PIERCE2: variants seen among roughly 807,000 people sequenced by gnomAD.
PIERCE2 encodes the protein piercer of microtubule wall 2.
the PIERCE2 span, chr15:55,418,151 G>A: frequency 4.7e-3 from 7,380 of 1,570,092 alleles, 227 homozygotes; most frequent in African/African-American, 0.071. Context: ...AGGGAAGTGG[G>A]TGGGACTGAA....
the PIERCE2 span, among the ~76,000 whole-genome samples, chr15:55,413,669 A>G: frequency 6.8e-6 from 1 of 147,534 alleles, no homozygotes; most frequent in South Asian, 2.3e-4. Context: ...CTGAGGCAGG[A>G]GAATCGCTTG....
the PIERCE2 span, among the ~76,000 whole-genome samples, chr15:55,410,209 T>C: frequency 3.3e-5 from 5 of 152,208 alleles, no homozygotes; most frequent in Non-Finnish European, 7.3e-5. Flanking sequence ...GATTTTATGG[T>C]ACTAATTATG....
chr15:55,414,544 A>T, the PIERCE2 span, among the ~76,000 whole-genome samples: 2 of 152,218 alleles, frequency 1.3e-5, no homozygotes, highest in East Asian at 3.9e-4. Context: ...TAGTCATTGT[A>T]AGTCTTCCAA....
chr15:55,416,856 G>A, the PIERCE2 span, among the ~76,000 whole-genome samples: 4 of 152,124 alleles, frequency 2.6e-5, no homozygotes, highest in African/African-American at 4.8e-5. Flanking sequence ...AGCTAGTTGG[G>A]AGGCTGAGGC....
At chr15:55,409,590 C>A in the PIERCE2 span, among the ~76,000 whole-genome samples, 3 of 152,142 alleles carry the variant, frequency 2.0e-5, no homozygotes, top group African/African-American at 7.2e-5. Flanking sequence ...CAAAATTAGA[C>A]CTTTTTTATT....
At chr15:55,416,119 GAT>G in the PIERCE2 span, among the ~76,000 whole-genome samples, 12,435 of 151,040 alleles carry the variant, frequency 0.082, 556 homozygotes, top group East Asian at 0.18. Context: ...GAGAGAGAGA[GAT>G]AGAGTCTTTT....
the PIERCE2 span, chr15:55,418,333 GA>G: frequency 6.5e-7 from 1 of 1,540,638 alleles, no homozygotes; most frequent in Non-Finnish European, 8.8e-7. Context: ...TGGATCCAAA[GA>G]CACTCCAGAC....
At chr15:55,413,069 C>T in the PIERCE2 span, among the ~76,000 whole-genome samples, 4 of 151,646 alleles carry the variant, frequency 2.6e-5, no homozygotes, top group African/African-American at 9.7e-5. Context: ...GAGATCGAGA[C>T]CATCCTGGCT....
At chr15:55,417,978 T>G in the PIERCE2 span, 1,649 of 676,196 alleles carry the variant, frequency 2.4e-3, 5 homozygotes, top group Non-Finnish European at 3.4e-3. Flanking sequence ...CAAGGTAATG[T>G]CATCAGTTAA....
At chr15:55,413,975 G>A in the PIERCE2 span, among the ~76,000 whole-genome samples, 1 of 151,126 alleles carries the variant, frequency 6.6e-6, no homozygotes, top group Non-Finnish European at 1.5e-5. Flanking sequence ...TCGGCTCAAG[G>A]CAAGCTCCAT....
At chr15:55,408,754 C>G in the PIERCE2 span, 3 of 1,526,738 alleles carry the variant, frequency 2.0e-6, no homozygotes, top group African/African-American at 1.4e-5. Flanking sequence ...AAAAAATTAA[C>G]AAAGAAGAGC....
the PIERCE2 span, among the ~76,000 whole-genome samples, chr15:55,410,243 T>C: frequency 6.6e-6 from 1 of 152,216 alleles, no homozygotes; most frequent in Non-Finnish European, 1.5e-5. Context: ...TCAGCTAATT[T>C]GTCTTCTGTT....
chr15:55,411,420 C>T, the PIERCE2 span, among the ~76,000 whole-genome samples: 51 of 152,156 alleles, frequency 3.4e-4, no homozygotes, highest in African/African-American at 1.0e-3. Context: ...GCTGCGACTG[C>T]GCCACTGCAC....
At chr15:55,413,563 AGCCT>A in the PIERCE2 span, among the ~76,000 whole-genome samples, 1 of 152,046 alleles carries the variant, frequency 6.6e-6, no homozygotes, top group Admixed American at 6.6e-5. Context: ...GTTTGAGACC[AGCCT>A]GACCAACATG....
the PIERCE2 span, among the ~76,000 whole-genome samples, chr15:55,413,903 C>CT: frequency 0.26 from 38,158 of 145,120 alleles, 6,266 homozygotes; most frequent in Non-Finnish European, 0.38. Flanking sequence ...TAGAGAAATG[C>CT]TTTTTTTTTT....
the PIERCE2 span, chr15:55,410,491 A>C: frequency 1.3e-5 from 2 of 152,124 alleles, no homozygotes; most frequent in African/African-American, 4.8e-5. Context: ...CTCTACTAAA[A>C]ACACAAAATT....
At chr15:55,414,229 A>C in the PIERCE2 span, among the ~76,000 whole-genome samples, 3 of 143,832 alleles carry the variant, frequency 2.1e-5, no homozygotes, top group South Asian at 6.6e-4. Flanking sequence ...TTTTTGAGAC[A>C]GAGTTTCACT....
chr15:55,413,760 CAAAAAAAAAAA>C, the PIERCE2 span, among the ~76,000 whole-genome samples: 1 of 111,458 alleles, frequency 9.0e-6, no homozygotes, highest in Non-Finnish European at 1.8e-5. Context: ...AACTCCGTTT[CAAAAAAAAAAA>C]AAAAAAAAGA....
the PIERCE2 span, among the ~76,000 whole-genome samples, chr15:55,409,106 T>C: frequency 6.6e-6 from 1 of 152,128 alleles, no homozygotes; most frequent in Non-Finnish European, 1.5e-5. Flanking sequence ...GGGAGTTGTT[T>C]TGAAAAAGGA....
Sources: gnomAD v4.1 joint callset for allele counts (sites outside exome capture counted in the v4.1 genomes callset) on GRCh38, gnomAD v4.1.1 for gene constraint, MANE v1.5 for transcripts, NCBI Gene and HGNC (gene_info 2026-07-23, HGNC 2026-07-21) for gene names.